Variants in CHD5 observed in about 807,000 individuals in gnomAD.
CHD5 encodes the protein chromodomain helicase DNA binding protein 5.
Under a neutral mutation model 230.3 loss-of-function variants are expected in CHD5, and 69 were observed. The ratio of observed to expected loss-of-function variants is 0.30; its 90% CI spans 0.25 to 0.37. The LOEUF (loss-of-function observed/expected upper bound fraction) is 0.37. Ranked by LOEUF, CHD5 falls within the 10% of genes least tolerant of loss-of-function variation. The pLI, the probability that CHD5 is intolerant of heterozygous loss-of-function variation, is 1.00. For synonymous variants in CHD5, 1,064 were observed against 1,065.9 expected (o/e 1.00, Z 0.03); for missense variants, 1,827 against 2,622.8 (o/e 0.70, Z 6.63).
Position 6,102,169 on chromosome 1 carries a change from A to T in CHD5, c.*3305T>A, listed in dbSNP as rs138682656. 2 of 260,376 alleles carry T rather than the reference A, an allele frequency of 7.7e-6. No individual in the cohort carries two copies. Among genetic ancestry groups the T allele is most frequent in the Non-Finnish European group, 1.6e-5 (2 of 127,412 alleles). 16.1% of individuals were successfully genotyped at this position (260,376 alleles called of 1,614,324 possible). A position where few individuals can be genotyped will look rare whatever the true frequency, so the allele number is the denominator to read the frequency against. On this transcript the variant is annotated 3_prime_UTR_variant, in exon 42 of 42. Transcript: ENST00000262450. ...CCTCTCCAGGGGTGCTTGGGCTCCA[A>T]TCGCTGCTTGAGGAGTTCAGGACAC...
chr1:6,168,646 T>C (rs1667290450), intron 1 of CHD5, among the ~76,000 whole-genome samples: 3 of 152,186 alleles, frequency 2.0e-5, no homozygotes, highest in South Asian at 4.1e-4. Context: ...TTGGGGCTGA[T>C]AGAGCAGAGT....
intron 2 of CHD5, among the ~76,000 whole-genome samples, chr1:6,160,235 G>GAAGA (rs1557559428): frequency 1.2e-5 from 1 of 80,648 alleles, no homozygotes; most frequent in African/African-American, 8.1e-5. Flanking sequence ...AGCCAGAGAA[G>GAAGA]GGCCCCAGCC....
chr1:6,165,274 G>A (rs1302703640), intron 2 of CHD5, among the ~76,000 whole-genome samples: 1 of 152,170 alleles, frequency 6.6e-6, no homozygotes, highest in Admixed American at 6.5e-5. Context: ...TGTACCCTGA[G>A]CCCAGGAGAC....
chr1:6,127,742 G>A (rs764586731), intron 25 of CHD5, among the ~76,000 whole-genome samples: 34 of 152,226 alleles, frequency 2.2e-4, no homozygotes, highest in Non-Finnish European at 4.7e-4. Context: ...CGGCCCATGT[G>A]GCTGTACTGC....
chr1:6,146,951 T>A lies in CHD5; in HGVS notation c.1384-80A>T. 8.9e-7 allele frequency: 1 copy of A among 1,124,728 alleles called. No individual in the cohort carries two copies. The highest frequency in any genetic ancestry group is 1.2e-6 in the Non-Finnish European group (1 of 810,380). 69.7% of individuals were successfully genotyped at this position (1,124,728 alleles called of 1,614,324 possible). A position where few individuals can be genotyped will look rare whatever the true frequency, so the allele number is the denominator to read the frequency against. On this transcript the variant is annotated intron_variant, in intron 9 of 41. Transcript: ENST00000262450. The surrounding 1 kb of genome is among the most constrained non-coding windows in gnomAD (Gnocchi z 5.1). Reference sequence around the variant, plus strand: ...AGGCTCCCATGACAGCAGGCTGCCATGCAGGCTCCCTCCCATCAGTGCCAC... The same window carrying A: ...AGGCTCCCATGACAGCAGGCTGCCAAGCAGGCTCCCTCCCATCAGTGCCAC...
chr1:6,129,506 G>A lies in CHD5; in HGVS notation c.3388-437C>T, dbSNP rs1478964873. 6.6e-6 allele frequency among the ~76,000 whole-genome samples: 1 copy of A among 152,186 alleles called. No homozygotes were observed. Among genetic ancestry groups the A allele is most frequent in the African/African-American group, 2.4e-5 (1 of 41,454 alleles). On this transcript the variant is annotated intron_variant, in intron 22 of 41. Coordinates refer to ENST00000262450, the MANE Select transcript of CHD5 (RefSeq NM_015557.3). The surrounding 1 kb of genome is among the most constrained non-coding windows in gnomAD (Gnocchi z 6.8). ...CACCTTCTGAGGGCAGCAAGGAGCTGAATCTGCCCAGTATAATACAAGGAA... is the reference window on the plus strand; with the variant it reads ...CACCTTCTGAGGGCAGCAAGGAGCTAAATCTGCCCAGTATAATACAAGGAA...
Position 6,148,951 on chromosome 1 carries a change from A to G in CHD5, c.1286T>C (p.Leu429Pro). 6.2e-7 allele frequency: 1 copy of G among 1,603,306 alleles called. No individual in the cohort carries two copies. Among genetic ancestry groups the G allele is most frequent in the Non-Finnish European group, 8.5e-7 (1 of 1,175,148 alleles). ...CRVCKDGGEL[L>P]CCDACPSSYH... ...GGAGGAGGGGCAGGCGTCGCAGCAG[A>G]GCAGCTCGCCCCCGTCCTTGCACAC... Residue 429 changes from leucine (L) to proline (P), a missense_variant, in exon 9 of 42, where the codon CTC (leucine) becomes CCC (proline). Leu to Pro is a moderately conservative substitution (Grantham distance 98). Around this residue, in one of 14 missense-constraint regions of CHD5, gnomAD observed 657 missense variants for 816.4 expected, o/e 0.80. Coordinates refer to ENST00000262450, the MANE Select transcript of CHD5 (RefSeq NM_015557.3).
chr1:6,174,972 A>C (rs1204981807), intron 1 of CHD5, among the ~76,000 whole-genome samples: 3 of 85,322 alleles, frequency 3.5e-5, no homozygotes, highest in Non-Finnish European at 6.0e-5. Context: ...TGGTGGATGA[A>C]GGATGGATGG....
At chr1:6,153,105 G>A (rs114307212) in intron 5 of CHD5, among the ~76,000 whole-genome samples, 281 of 152,324 alleles carry the variant, frequency 1.8e-3, no homozygotes, top group African/African-American at 6.3e-3. Flanking sequence ...GAAGGAAGGG[G>A]GGCCTGGAGG....
Position 6,124,592 on chromosome 1 carries a change from G to T in CHD5, c.4464C>A (p.Asp1488Glu). ...TGGAGAGGCCCTCCCGGGGCACGCC[G>T]TCTGCGAAGGTCTCTGCACCATCCG... ...PGADGAETFA[D>E]GVPREGLSRQ... Residue 1488 changes from aspartate (D) to glutamate (E), a missense_variant, in exon 30 of 42, where the codon GAC (aspartate) becomes GAA (glutamate). Transcript: ENST00000262450. 6.2e-7 allele frequency: 1 copy of T among 1,609,878 alleles called. No homozygotes were observed. The highest frequency in any genetic ancestry group is 8.5e-7 in the Non-Finnish European group (1 of 1,178,790).
chr1:6,111,656 G>T, intron 36 of CHD5, 119 bp downstream of exon 36: 1 of 764,550 alleles, frequency 1.3e-6, no homozygotes, highest in Non-Finnish European at 2.2e-6. Context: ...GCCACCGCCA[G>T]AAGTGAGGAA....
At chr1:6,165,135 G>A (rs1667231941) in intron 2 of CHD5, among the ~76,000 whole-genome samples, 1 of 152,194 alleles carries the variant, frequency 6.6e-6, no homozygotes, top group South Asian at 2.1e-4. Flanking sequence ...CGTGATCATG[G>A]CCCTGGGAAT....
Position 6,131,531 on chromosome 1 carries a change from C to T in CHD5, c.3262+100G>A, listed in dbSNP as rs1666657691. On this transcript the variant is annotated intron_variant, in intron 21 of 41. Coordinates refer to ENST00000262450, the MANE Select transcript of CHD5 (RefSeq NM_015557.3). This position sits in a 1 kb window ranked among gnomAD's most constrained non-coding sequence, Gnocchi z 5.0. The stretch of plus-strand genomic sequence containing the variant: ...CTGTCTTTAGCTGTTTGTGAGGCTG[C>T]TCAACACAACACCAGCTGGGTGACC... 4.3e-6 allele frequency: 3 copies of T among 702,256 alleles called. No individual in the cohort carries two copies. Among genetic ancestry groups the T allele is most frequent in the African/African-American group, 1.8e-5 (1 of 56,970 alleles). 43.5% of individuals were successfully genotyped at this position (702,256 alleles called of 1,614,324 possible). A position where few individuals can be genotyped will look rare whatever the true frequency, so the allele number is the denominator to read the frequency against.
rs1197692961 is a variant in CHD5, at chr1:6,126,969, C to CA, written c.3904-224dup. On this transcript the variant is annotated intron_variant, in intron 25 of 41. Transcript: ENST00000262450. The surrounding 1 kb of genome is among the most constrained non-coding windows in gnomAD (Gnocchi z 5.7). The stretch of plus-strand genomic sequence containing the variant: ...ATTTACTTATTCATCCATCCATTCA[C>CA]AAAGCAAGTATTTCCTCGCCTCCTG... The CA allele has an allele frequency of 1.7e-6, 1 of 581,452 alleles. No homozygotes were observed. Among genetic ancestry groups the CA allele is most frequent in the African/African-American group, 1.9e-5 (1 of 53,462 alleles). The allele number at this position is 581,452 out of a possible 1,614,324, so 36.0% of individuals were successfully genotyped here.
Position 6,126,838 on chromosome 1 carries a change from C to A in CHD5, c.3904-92G>T, listed in dbSNP as rs148192487. 1 of 1,202,614 alleles carries A rather than the reference C, an allele frequency of 8.3e-7. No individual in the cohort carries two copies. The highest frequency in any genetic ancestry group is 2.1e-5 in the Admixed American group (1 of 47,840). The allele number at this position is 1,202,614 out of a possible 1,614,324, so 74.5% of individuals were successfully genotyped here. ...CCTCCACCTGACCTGCCCTTTGCCC[C>A]CTCAGGGCTCAAGGATTAATGGGAT... On this transcript the variant is annotated intron_variant, in intron 25 of 41. Transcript: ENST00000262450. This position sits in a 1 kb window ranked among gnomAD's most constrained non-coding sequence, Gnocchi z 5.7.
rs992450710 is a variant in CHD5, at chr1:6,112,829, T to C, written c.5002+80A>G. Reference sequence around the variant, plus strand: ...GCCAAGGGGACGGCGCCTGGGAGACTGTGGGAGGCTGAACAGGGTCCAGAG... The same window carrying C: ...GCCAAGGGGACGGCGCCTGGGAGACCGTGGGAGGCTGAACAGGGTCCAGAG... On this transcript the variant is annotated intron_variant, in intron 34 of 41. Coordinates refer to ENST00000262450, the MANE Select transcript of CHD5 (RefSeq NM_015557.3). The C allele has an allele frequency of 5.8e-6, 6 of 1,042,750 alleles. No homozygotes were observed. In the East Asian group the frequency reaches 1.2e-4, roughly 21 times the overall value. 64.6% of individuals were successfully genotyped at this position (1,042,750 alleles called of 1,614,324 possible).
At chr1:6,114,266 A>AT (rs1666340639) in intron 33 of CHD5, among the ~76,000 whole-genome samples, 1 of 151,256 alleles carries the variant, frequency 6.6e-6, no homozygotes, top group Admixed American at 6.6e-5. Flanking sequence ...AAAAAAAAAA[A>AT]TCACAATTCC....
chr1:6,130,858 G>C lies in CHD5; in HGVS notation c.3263-530C>G, dbSNP rs1383900125. 6.6e-6 allele frequency among the ~76,000 whole-genome samples: 1 copy of C among 152,204 alleles called. No individual in the cohort carries two copies. The highest frequency in any genetic ancestry group is 1.5e-5 in the Non-Finnish European group (1 of 68,030). ...GGGACTGACCACAGCCCCCACTGGA[G>C]CTGCAAACAGGCCCCTGGCACACCC... On this transcript the variant is annotated intron_variant, in intron 21 of 41. Transcript: ENST00000262450. The surrounding 1 kb of genome is among the most constrained non-coding windows in gnomAD (Gnocchi z 4.9).
At chr1:6,176,525 A>C (rs182029098) in intron 1 of CHD5, among the ~76,000 whole-genome samples, 4 of 152,204 alleles carry the variant, frequency 2.6e-5, no homozygotes, top group Admixed American at 2.6e-4. Flanking sequence ...CTTGGGCTTC[A>C]CAGCCCTCCT....
Sources: allele counts gnomAD v4.1 joint callset (sites outside exome capture counted in the v4.1 genomes callset), GRCh38; gene constraint gnomAD v4.1.1; regional missense constraint gnomAD v4.1.1; non-coding constraint Gnocchi (gnomAD v3.1); transcripts MANE v1.5; gene names NCBI Gene and HGNC (gene_info 2026-07-23, HGNC 2026-07-21).